Variants in GPR63 observed in about 807,000 individuals in gnomAD.
The protein encoded by GPR63 is G protein-coupled receptor 63.
In GPR63, 12 loss-of-function variants were observed where a neutral mutation model predicts 23.1. That is an observed-to-expected ratio of 0.52 (90% confidence interval 0.33 to 0.84). The LOEUF (loss-of-function observed/expected upper bound fraction) is 0.84. Among genes scored for constraint, GPR63 ranks in the 40% least tolerant of loss-of-function variants. GPR63 has a pLI of 0.02. For missense variants in GPR63, 472 were observed against 515.6 expected, an observed-to-expected ratio of 0.92 and a Z score of 0.82; for synonymous variants, 172 against 191.1, an observed-to-expected ratio of 0.90 and a Z score of 0.82.
In GPR63 at chr6:96,799,562, C is replaced by A. The variant is rs1773704467; in HGVS notation, c.170G>T (p.Ser57Ile). The change falls in exon 2 of 2, where the codon AGT (serine) becomes ATT (isoleucine). Residue 57 changes from serine (S) to isoleucine (I), a missense_variant. Coordinates refer to ENST00000229955, the MANE Select transcript of GPR63 (RefSeq NM_030784.4). ...AGCTGTACTATTCACGGTCAAGGAA[C>A]TCAAACCAGTGGGAGCCATGGTTTC... is the stretch of plus-strand genomic sequence containing the variant. ...SFETMAPTGL[S>I]SLTVNSTAVP... 13 of 1,614,150 alleles carry A rather than the reference C, an allele frequency of 8.1e-6. No individual in the cohort carries two copies. In the East Asian group the frequency reaches 2.9e-4, roughly 36 times the overall value.
chr6:96,821,537 A>T (rs1015275937), intron 1 of GPR63, among the ~76,000 whole-genome samples: 4 of 152,188 alleles, frequency 2.6e-5, no homozygotes, highest in Non-Finnish European at 5.9e-5. Flanking sequence ...ACAGTGGCAG[A>T]ATTCTATATA....
chr6:96,829,119 T>G (rs1051816522), intron 1 of GPR63, among the ~76,000 whole-genome samples: 2 of 152,214 alleles, frequency 1.3e-5, no homozygotes, highest in African/African-American at 4.8e-5. Flanking sequence ...AAGATTTAAA[T>G]AGCACATTTA....
At chr6:96,828,162 G>T (rs915108592) in intron 1 of GPR63, among the ~76,000 whole-genome samples, 3 of 152,014 alleles carry the variant, frequency 2.0e-5, no homozygotes, top group African/African-American at 7.3e-5. Flanking sequence ...AGTTCTGGGG[G>T]CTAGAAGTCC....
chr6:96,837,042 C>G (rs1774749324), intron 1 of GPR63, among the ~76,000 whole-genome samples: 1 of 152,136 alleles, frequency 6.6e-6, no homozygotes. Context: ...CGCCGGGTCC[C>G]CACCGTGTGG....
chr6:96,829,951 C>T (rs190110726), intron 1 of GPR63, among the ~76,000 whole-genome samples: 33 of 152,140 alleles, frequency 2.2e-4, no homozygotes, highest in Admixed American at 2.1e-3. Flanking sequence ...ATATATTATA[C>T]ATTATATACA....
chr6:96,806,923 A>G (rs967168494), intron 1 of GPR63, among the ~76,000 whole-genome samples: 34 of 152,364 alleles, frequency 2.2e-4, no homozygotes, highest in African/African-American at 7.7e-4. Flanking sequence ...TCTGCACAAT[A>G]AATTGGTGCC....
At chr6:96,812,900 T>C (rs1774077506) in intron 1 of GPR63, among the ~76,000 whole-genome samples, 1 of 152,150 alleles carries the variant, frequency 6.6e-6, no homozygotes, top group South Asian at 2.1e-4. Flanking sequence ...ACATTGTTGC[T>C]AACTATAGTC....
chr6:96,811,882 AAATAAATAAAAT>A (rs1774054428), intron 1 of GPR63, among the ~76,000 whole-genome samples: 1 of 136,998 alleles, frequency 7.3e-6, no homozygotes, highest in Non-Finnish European at 1.6e-5. Context: ...ATAAATAAAT[AAATAAATAAAAT>A]AAAAGGCAAT....
In GPR63 at chr6:96,837,406, G is replaced by A. The variant is rs1774764433; in HGVS notation, c.-289C>T. The A allele has an allele frequency of 6.5e-6, 1 of 153,764 alleles. No homozygotes were observed. Among genetic ancestry groups the A allele is most frequent in the Non-Finnish European group, 1.5e-5 (1 of 68,760 alleles). The allele number at this position is 153,764 out of a possible 1,614,324, so 9.5% of individuals were successfully genotyped here. ...CAACGCTGCCAGGCGGAGGAGGAAGGAGGACAACGAAGAGGAGGTGGTGGC... is the reference window on the plus strand; with the variant it reads ...CAACGCTGCCAGGCGGAGGAGGAAGAAGGACAACGAAGAGGAGGTGGTGGC... On this transcript the variant is annotated 5_prime_UTR_variant, in exon 1 of 2. Transcript: ENST00000229955.
chr6:96,819,437 T>C (rs1774243188), intron 1 of GPR63, among the ~76,000 whole-genome samples: 2 of 152,032 alleles, frequency 1.3e-5, no homozygotes, highest in Non-Finnish European at 2.9e-5. Context: ...AAACACAGCA[T>C]GTTCTCACTC....
intron 1 of GPR63, among the ~76,000 whole-genome samples, chr6:96,813,665 G>A (rs779569839): frequency 5.9e-5 from 9 of 152,144 alleles, no homozygotes; most frequent in Non-Finnish European, 1.0e-4. Flanking sequence ...ATGTCTGTTA[G>A]GTCCAATCCA....
chr6:96,806,645 T>G (rs1162605899), intron 1 of GPR63, among the ~76,000 whole-genome samples: 1 of 152,120 alleles, frequency 6.6e-6, no homozygotes, highest in African/African-American at 2.4e-5. Flanking sequence ...CACATAAACT[T>G]GGTGTTGTCT....
Position 96,800,456 on chromosome 6 carries a change from T to C in GPR63, c.-150-575A>G, listed in dbSNP as rs959985322. The stretch of plus-strand genomic sequence containing the variant: ...AATTGTCAATGAAGATCTGAAACAT[T>C]TTCTTGGCTTGCTATTTATTTATTT... On this transcript the variant is annotated intron_variant, in intron 1 of 1. Coordinates refer to ENST00000229955, the MANE Select transcript of GPR63 (RefSeq NM_030784.4). Among the ~76,000 whole-genome samples, 7 of 152,266 alleles carry C rather than the reference T, an allele frequency of 4.6e-5. No homozygotes were observed. The East Asian group carries it at 9.6e-4, about 21-fold the overall frequency.
rs755388734 is a variant in GPR63, at chr6:96,798,433, AG to A, written c.*38del. The A allele has an allele frequency of 5.7e-6, 9 of 1,585,902 alleles. No homozygotes were observed. In the African/African-American group the frequency reaches 9.5e-5, roughly 17 times the overall value. ...GAGAAAGAGAATTCAATGTCAATAA[AG>A]AACAAGCATCACCCAAAATGTCAGC... On this transcript the variant is annotated 3_prime_UTR_variant, in exon 2 of 2. Transcript: ENST00000229955.
chr6:96,800,837 G>A (rs1416175479), intron 1 of GPR63, among the ~76,000 whole-genome samples: 2 of 152,214 alleles, frequency 1.3e-5, no homozygotes, highest in African/African-American at 4.8e-5. Flanking sequence ...TTAAAGGAGA[G>A]ATGACTAGAA....
chr6:96,824,593 CAAAA>C (rs1183157086), intron 1 of GPR63, among the ~76,000 whole-genome samples: 1 of 44,660 alleles, frequency 2.2e-5, no homozygotes, highest in Admixed American at 2.3e-4. Context: ...TACGCCTTAG[CAAAA>C]AAAAAAAAAA....
chr6:96,825,329 C>T (rs552825892), intron 1 of GPR63, among the ~76,000 whole-genome samples: 1 of 152,000 alleles, frequency 6.6e-6, no homozygotes, highest in Admixed American at 6.6e-5. Flanking sequence ...GGAAAAAAAT[C>T]AGACTTGAAC....
At chr6:96,818,043 T>C (rs764982035) in intron 1 of GPR63, among the ~76,000 whole-genome samples, 8 of 151,940 alleles carry the variant, frequency 5.3e-5, no homozygotes, top group Non-Finnish European at 8.8e-5. Context: ...AAGCAATCTA[T>C]AGATTCACAG....
At chr6:96,831,399 C>T (rs1046561380) in intron 1 of GPR63, among the ~76,000 whole-genome samples, 2 of 151,614 alleles carry the variant, frequency 1.3e-5, no homozygotes, top group East Asian at 1.9e-4. Flanking sequence ...TGGGTTCAAA[C>T]CCTATCTGAC....
Sources: allele counts gnomAD v4.1 joint callset (sites outside exome capture counted in the v4.1 genomes callset), GRCh38; gene constraint gnomAD v4.1.1; transcripts MANE v1.5; gene names NCBI Gene and HGNC (gene_info 2026-07-23, HGNC 2026-07-21).